The following ARID4B variants were observed in gnomAD, a reference collection of about 807,000 sequenced individuals.
ARID4B encodes AT-rich interaction domain 4B, also known as AT-rich interactive domain-containing protein 4B.
Under a neutral mutation model 147.5 loss-of-function variants are expected in ARID4B, and 26 were observed. The observed-to-expected ratio is 0.18, with a 90% CI of 0.13 to 0.24. The LOEUF is 0.24. Ranked by LOEUF, ARID4B falls within the 10% of genes least tolerant of loss-of-function variation. The pLI is 1.00. For missense variants in ARID4B, 1,179 were observed against 1,511.5 expected (o/e 0.78, Z 3.65); for synonymous variants, 512 against 507.9 (o/e 1.01, Z -0.11).
intron 15 of ARID4B, 69 bp from the exon 16 acceptor site, chr1:235,220,037 C>G (rs1251452916): frequency 9.8e-7 from 1 of 1,024,290 alleles, no homozygotes; most frequent in Non-Finnish European, 1.3e-6. Flanking sequence ...TGGTTTATCT[C>G]TTAGCAACAG....
At chr1:235,178,689 T>C (rs561399363) in intron 20 of ARID4B, among the ~76,000 whole-genome samples, 4 of 152,320 alleles carry the variant, frequency 2.6e-5, no homozygotes, top group African/African-American at 7.2e-5. Context: ...AATTCATATA[T>C]GTTATCTCTC....
At chr1:235,311,349 C>G (rs1314559093) in intron 2 of ARID4B, among the ~76,000 whole-genome samples, 1 of 121,918 alleles carries the variant, frequency 8.2e-6, no homozygotes, top group African/African-American at 3.0e-5. Context: ...AAGACCCTGT[C>G]TCAAAACAAT....
chr1:235,285,239 T>C (rs552674846), intron 2 of ARID4B, among the ~76,000 whole-genome samples: 7 of 152,280 alleles, frequency 4.6e-5, no homozygotes, highest in Admixed American at 3.3e-4. Context: ...GCATGTAGAA[T>C]CCAACAATAT....
chr1:235,309,008 G>A (rs1298445257), intron 2 of ARID4B, among the ~76,000 whole-genome samples: 1 of 144,218 alleles, frequency 6.9e-6, no homozygotes, highest in Non-Finnish European at 1.5e-5. Flanking sequence ...CTGCCCGGCC[G>A]CCATCCCATC....
chr1:235,189,417 A>G (rs1200313435), intron 19 of ARID4B, among the ~76,000 whole-genome samples: 2 of 151,440 alleles, frequency 1.3e-5, no homozygotes, highest in Non-Finnish European at 2.9e-5. Context: ...AAAAAAAAAA[A>G]AAAAAAATCA....
Position 235,252,763 on chromosome 1 carries a change from G to A in ARID4B, c.321C>T (p.Cys107=). 3 of 1,610,830 alleles carry A rather than the reference G, an allele frequency of 1.9e-6. No individual in the cohort carries two copies. The highest frequency in any genetic ancestry group is 2.2e-5 in the South Asian group (2 of 90,622). The part of the protein sequence containing the change: ...DEKTLRRSSL[C]LKGERHFAES... ...CAGCAAAATGCCTCTCTCCTTTCAGGCACAGTGAAGATCGTCTCAGTGTCT... is the reference window on the plus strand; with the variant it reads ...CAGCAAAATGCCTCTCTCCTTTCAGACACAGTGAAGATCGTCTCAGTGTCT... Residue 107 remains cysteine (C), a synonymous_variant, in exon 6 of 24, where the codon TGC becomes TGT. Transcript: ENST00000264183.
rs369215502 is a variant in ARID4B, at chr1:235,174,419, C to T, written c.3664+765G>A. Reference sequence around the variant, plus strand: ...CTTTAACCAATTTATTTATTCAAACCGGGATCCAAATAAGGTCTATACATT... The same window carrying T: ...CTTTAACCAATTTATTTATTCAAACTGGGATCCAAATAAGGTCTATACATT... On this transcript the variant is annotated intron_variant, in intron 22 of 23. Transcript: ENST00000264183. Among the ~76,000 whole-genome samples, 28 of 152,086 alleles carry T rather than the reference C, an allele frequency of 1.8e-4. 1 individual carries two copies. The highest frequency in any genetic ancestry group is 8.5e-4 in the Admixed American group (13 of 15,260).
rs1188236422 is a variant in ARID4B, at chr1:235,173,772, ATAT to A, written c.3665-1011_3665-1009del. Among the ~76,000 whole-genome samples the A allele has an allele frequency of 3.2e-3, 47 of 14,660 alleles. 4 individuals carry two copies. The East Asian group carries it at 0.045, about 14-fold the overall frequency. The allele number at this position is 14,660 out of a possible 152,430, so 9.6% of individuals were successfully genotyped here. On this transcript the variant is annotated intron_variant, in intron 22 of 23. Transcript: ENST00000264183. ...AAAAAAAAAAAAAAAAAAAAAAAAA[ATAT>A]ATATATATATATATATATATATATA...
intron 17 of ARID4B, among the ~76,000 whole-genome samples, chr1:235,205,415 G>C (rs1285539189): frequency 6.6e-6 from 1 of 152,146 alleles, no homozygotes; most frequent in East Asian, 1.9e-4. Flanking sequence ...TGTTTGCTAA[G>C]AGATGAGCTC....
chr1:235,229,240 ACTG>A lies in ARID4B; in HGVS notation c.885_887del (p.Ser296del), dbSNP rs748827890. ...AACTGTTTTCACTTACTTCTTCTTC[ACTG>A]CTATTATCCTCCTTTTCTTTTTCAT... On this transcript the variant is annotated inframe_deletion, in exon 11 of 24. Transcript: ENST00000264183. 2.5e-5 allele frequency: 41 copies of A among 1,609,992 alleles called. No individual in the cohort carries two copies. Among genetic ancestry groups the A allele is most frequent in the Non-Finnish European group, 3.2e-5 (38 of 1,178,104 alleles).
intron 6 of ARID4B, among the ~76,000 whole-genome samples, chr1:235,247,110 C>T (rs867243690): frequency 9.9e-5 from 15 of 151,870 alleles, no homozygotes; most frequent in Admixed American, 8.5e-4. Flanking sequence ...TCCTTTCCTA[C>T]GTTTTCTTAA....
chr1:235,262,868 GTGTT>G (rs1288181563), intron 2 of ARID4B, among the ~76,000 whole-genome samples: 20 of 152,194 alleles, frequency 1.3e-4, no homozygotes, highest in Admixed American at 1.2e-3. Context: ...GATAATGAAT[GTGTT>G]TGTTAATTTA....
intron 14 of ARID4B, 151 bp from the exon 15 acceptor site, chr1:235,220,696 T>A: frequency 1.5e-6 from 1 of 685,918 alleles, no homozygotes; most frequent in Non-Finnish European, 2.1e-6. Flanking sequence ...TCTAATCTTT[T>A]CAATGCAAAA....
chr1:235,200,538 A>C (rs903663638), intron 17 of ARID4B, among the ~76,000 whole-genome samples: 2 of 152,202 alleles, frequency 1.3e-5, no homozygotes, highest in African/African-American at 4.8e-5. Context: ...TATATAAGAA[A>C]GAACGTCTTA....
intron 17 of ARID4B, among the ~76,000 whole-genome samples, chr1:235,204,626 T>C (rs1666187143): frequency 6.6e-6 from 1 of 152,234 alleles, no homozygotes; most frequent in Non-Finnish European, 1.5e-5. Flanking sequence ...AGAACACTAA[T>C]ACAGCATTTT....
chr1:235,220,596 CTA>C (rs779187937), intron 14 of ARID4B, 51 bp from the exon 15 acceptor site: 2 of 1,376,598 alleles, frequency 1.5e-6, no homozygotes, highest in Non-Finnish European at 1.9e-6. Context: ...CAAAATATAA[CTA>C]TAGAGTTATT....
At chr1:235,301,789 A>G (rs1425847948) in intron 2 of ARID4B, among the ~76,000 whole-genome samples, 1 of 151,250 alleles carries the variant, frequency 6.6e-6, no homozygotes, top group Non-Finnish European at 1.5e-5. Flanking sequence ...ATCTCAGCTC[A>G]CTGCAACCTC....
intron 2 of ARID4B, among the ~76,000 whole-genome samples, chr1:235,314,523 T>C (rs982494605): frequency 1.3e-5 from 2 of 152,188 alleles, no homozygotes; most frequent in East Asian, 3.8e-4. Context: ...ATGCTCTTAA[T>C]CATGAAGCTA....
At chr1:235,268,072 G>A (rs564202834) in intron 2 of ARID4B, among the ~76,000 whole-genome samples, 2 of 152,274 alleles carry the variant, frequency 1.3e-5, no homozygotes, top group South Asian at 4.1e-4. Context: ...CAGTGAAGAG[G>A]AGGCCTGGGG....
Sources: gnomAD v4.1 joint callset for allele counts (sites outside exome capture counted in the v4.1 genomes callset) on GRCh38, gnomAD v4.1.1 for gene constraint, MANE v1.5 for transcripts, NCBI Gene and HGNC (gene_info 2026-07-23, HGNC 2026-07-21) for gene names.